TMEM135: variants seen among roughly 807,000 people sequenced by gnomAD.
The protein encoded by TMEM135 is peroxisomal membrane protein 52.
In TMEM135, 30 loss-of-function variants were observed where a neutral mutation model predicts 60.3. The observed-to-expected ratio is 0.50, with a 90% CI of 0.37 to 0.68. The LOEUF (loss-of-function observed/expected upper bound fraction) is 0.68. TMEM135 is among the 30% of genes least tolerant of loss of function. The probability of loss-of-function intolerance (pLI) is 0.00; values close to 1 mark genes in which losing one functional copy is unlikely to be tolerated. For missense variants in TMEM135, 468 were observed against 548.8 expected (o/e 0.85, Z 1.47); for synonymous variants, 190 against 186.7 (o/e 1.02, Z -0.14).
intron 5 of TMEM135, among the ~76,000 whole-genome samples, chr11:87,170,400 G>A (rs1939201677): frequency 6.6e-6 from 1 of 152,090 alleles, no homozygotes; most frequent in South Asian, 2.1e-4. Flanking sequence ...TTTTGCACTG[G>A]TTTTTCCTTA....
At chr11:87,293,748 T>C (rs1054755547) in intron 6 of TMEM135, among the ~76,000 whole-genome samples, 1 of 152,234 alleles carries the variant, frequency 6.6e-6, no homozygotes. Flanking sequence ...ATTTTCTTTA[T>C]CCATTTGATC....
chr11:87,290,923 G>A (rs2135429588), intron 6 of TMEM135, among the ~76,000 whole-genome samples: 1 of 152,234 alleles, frequency 6.6e-6, no homozygotes, highest in African/African-American at 2.4e-5. Flanking sequence ...TTATTTTTAT[G>A]TGCACTTGAA....
At chr11:87,252,274 A>G (rs1473592047) in intron 6 of TMEM135, among the ~76,000 whole-genome samples, 1 of 152,166 alleles carries the variant, frequency 6.6e-6, no homozygotes, top group Admixed American at 6.5e-5. Context: ...ACTCTGGTCC[A>G]TAATGTCAAC....
At chr11:87,103,490 T>TG (rs1565442212) in intron 4 of TMEM135, among the ~76,000 whole-genome samples, 2 of 88,834 alleles carry the variant, frequency 2.3e-5, no homozygotes, top group African/African-American at 1.0e-4. Context: ...TGTTTTTTTT[T>TG]TTTGTTTGTT....
intron 3 of TMEM135, 46 bp downstream of exon 3, chr11:87,071,661 T>G: frequency 1.4e-6 from 2 of 1,415,628 alleles, no homozygotes; most frequent in Non-Finnish European, 1.9e-6. Flanking sequence ...ACCTGTCCCC[T>G]ACCCCAACTA....
intron 7 of TMEM135, among the ~76,000 whole-genome samples, chr11:87,300,498 C>T (rs1261972058): frequency 5.3e-5 from 8 of 152,102 alleles, no homozygotes; most frequent in Admixed American, 5.2e-4. Flanking sequence ...TGGTTGTGGA[C>T]AAGATACTTA....
At chr11:87,206,033 G>T (rs938739249) in intron 5 of TMEM135, among the ~76,000 whole-genome samples, 4 of 152,086 alleles carry the variant, frequency 2.6e-5, no homozygotes, top group African/African-American at 9.7e-5. Context: ...GGTCTCATCT[G>T]GTCTATCTGC....
chr11:87,103,394 A>G (rs1018289100), intron 4 of TMEM135, among the ~76,000 whole-genome samples: 5 of 151,358 alleles, frequency 3.3e-5, no homozygotes, highest in African/African-American at 9.7e-5. Flanking sequence ...GTGTTAGGCA[A>G]TATCTCATTG....
chr11:87,222,848 T>C (rs1301963384), intron 5 of TMEM135, among the ~76,000 whole-genome samples: 1 of 152,120 alleles, frequency 6.6e-6, no homozygotes, highest in Non-Finnish European at 1.5e-5. Context: ...CTGTTGATTA[T>C]TGTTATATCA....
At position 87,069,801 on chromosome 11, in the gene TMEM135, T is replaced by G. The variant is rs190056108; in HGVS notation, c.270-1722T>G. 3.9e-5 allele frequency among the ~76,000 whole-genome samples: 6 copies of G among 152,350 alleles called. No homozygotes were observed. In the East Asian group the frequency reaches 1.2e-3, roughly 29 times the overall value. ...GTCTTCACAGGTGGAAGGTTTCTGA[T>G]GTCCATGTCAAAAAATACCCAAGTT... is the stretch of plus-strand genomic sequence containing the variant. On this transcript the variant is annotated intron_variant, in intron 2 of 14. Coordinates refer to ENST00000305494, the MANE Select transcript of TMEM135 (RefSeq NM_022918.4).
chr11:87,087,380 G>A (rs2445569), intron 3 of TMEM135, among the ~76,000 whole-genome samples: 82,681 of 151,492 alleles, frequency 0.55, 23,315 homozygotes, highest in East Asian at 0.71. Context: ...CAGAATTAGA[G>A]TGTTGATCCA....
chr11:87,327,264 T>C lies in TMEM135; in HGVS notation c.*5931T>C, dbSNP rs1430428141. ...AAGTTCTTTTTACCTCTTTTTCTCT[T>C]GTTCAAGGTATTAGTATTAGTCAGT... On this transcript the variant is annotated 3_prime_UTR_variant, in exon 15 of 15. Transcript: ENST00000305494. The C allele has an allele frequency of 2.2e-6, 1 of 454,084 alleles. No homozygotes were observed. The allele number at this position is 454,084 out of a possible 1,614,324, so 28.1% of individuals were successfully genotyped here. A position where few individuals can be genotyped will look rare whatever the true frequency, so the allele number is the denominator to read the frequency against.
intron 5 of TMEM135, among the ~76,000 whole-genome samples, chr11:87,194,421 T>C (rs1007075101): frequency 5.3e-5 from 8 of 152,198 alleles, no homozygotes; most frequent in African/African-American, 1.9e-4. Flanking sequence ...GCAAAGACTT[T>C]TGAAATTCTC....
At chr11:87,282,820 A>G (rs1174727454) in intron 6 of TMEM135, among the ~76,000 whole-genome samples, 1 of 152,156 alleles carries the variant, frequency 6.6e-6, no homozygotes, top group African/African-American at 2.4e-5. Flanking sequence ...CTTAATCTAT[A>G]TAATATAATT....
At position 87,327,441 on chromosome 11, in the gene TMEM135, A is replaced by T. The variant is rs1294794134; in HGVS notation, c.*6108A>T. The T allele has an allele frequency of 2.2e-6, 1 of 454,114 alleles. No homozygotes were observed. The highest frequency in any genetic ancestry group is 2.3e-5 in the Admixed American group (1 of 42,572). 28.1% of individuals were successfully genotyped at this position (454,114 alleles called of 1,614,324 possible). On this transcript the variant is annotated 3_prime_UTR_variant, in exon 15 of 15. Coordinates refer to ENST00000305494, the MANE Select transcript of TMEM135 (RefSeq NM_022918.4). ...TGCCATTAACCATCTGCATTTGAGC[A>T]TTTTGAGAAAATAAACCTCTATTTC...
intron 3 of TMEM135, among the ~76,000 whole-genome samples, chr11:87,078,016 G>A (rs1321831347): frequency 2.0e-5 from 3 of 152,074 alleles, no homozygotes; most frequent in African/African-American, 7.2e-5. Flanking sequence ...CCCACTTCTT[G>A]GTTATGAATG....
chr11:87,321,268 T>A lies in TMEM135; in HGVS notation c.1312T>A (p.Phe438Ile). The stretch of plus-strand genomic sequence containing the variant: ...TGGTGCATCTAAACACTTTCAGGAT[T>A]TCATCCCCAGGTTGGATCCAAGATA... ...GTGASKHFQD[F>I]IPRLDPRYTT... Residue 438 changes from phenylalanine to isoleucine, a missense_variant, in exon 15 of 15, where the codon TTC (phenylalanine) becomes ATC (isoleucine). By Grantham distance (21) the Phe-to-Ile change is conservative. Transcript: ENST00000305494. The A allele has an allele frequency of 6.2e-7, 1 of 1,613,764 alleles. No homozygotes were observed. Among genetic ancestry groups the A allele is most frequent in the Non-Finnish European group, 8.5e-7 (1 of 1,179,720 alleles).
chr11:87,268,490 T>C (rs1030191439), intron 6 of TMEM135, among the ~76,000 whole-genome samples: 2 of 152,128 alleles, frequency 1.3e-5, no homozygotes, highest in Non-Finnish European at 2.9e-5. Flanking sequence ...TGTCTATCAA[T>C]GATTGCATTT....
chr11:87,281,365 G>A (rs1942056903), intron 6 of TMEM135, among the ~76,000 whole-genome samples: 1 of 152,102 alleles, frequency 6.6e-6, no homozygotes, highest in African/African-American at 2.4e-5. Flanking sequence ...ACTGTACTAG[G>A]CACTGGGGAC....
Sources: gnomAD v4.1 joint callset for allele counts (sites outside exome capture counted in the v4.1 genomes callset) on GRCh38, gnomAD v4.1.1 for gene constraint, MANE v1.5 for transcripts, NCBI Gene and HGNC (gene_info 2026-07-23, HGNC 2026-07-21) for gene names.